CAST: variants seen among roughly 807,000 people sequenced by gnomAD.
CAST encodes calpastatin.
A neutral mutation model predicts 119.6 loss-of-function variants in CAST; 76 were observed. That is an observed-to-expected ratio of 0.64 (90% confidence interval 0.53 to 0.77). CAST has a LOEUF of 0.77. Among genes scored for constraint, CAST ranks in the 30% least tolerant of loss-of-function variants. CAST has a pLI of 0.00. For missense variants in CAST, 953 were observed against 946.5 expected, an observed-to-expected ratio of 1.01 and a Z score of -0.09; for synonymous variants, 319 against 331.6, an observed-to-expected ratio of 0.96 and a Z score of 0.41.
the CAST span, among the ~76,000 whole-genome samples, chr5:96,413,895 G>A: frequency 6.1e-5 from 9 of 148,086 alleles, 1 homozygote; most frequent in African/African-American, 2.0e-4. Context: ...CGAGGCGGGC[G>A]GATCACGAGG....
the CAST span, among the ~76,000 whole-genome samples, chr5:96,384,266 C>T: frequency 1.6e-4 from 24 of 152,162 alleles, no homozygotes; most frequent in Non-Finnish European, 3.1e-4. Flanking sequence ...GTGGTGGGAA[C>T]AAAACATTTT....
At chr5:96,237,489 C>T in the CAST span, among the ~76,000 whole-genome samples, 4 of 151,988 alleles carry the variant, frequency 2.6e-5, no homozygotes, top group African/African-American at 9.7e-5. Context: ...CCTGTAGAAG[C>T]GATTATTAAT....
At chr5:96,271,173 C>T in the CAST span, among the ~76,000 whole-genome samples, 62 of 152,074 alleles carry the variant, frequency 4.1e-4, no homozygotes, top group Middle Eastern at 3.4e-3. Flanking sequence ...TCATGGTTTG[C>T]GAGAACTAAT....
chr5:96,532,782 A>T (rs1336008029), intron 1 of CAST, among the ~76,000 whole-genome samples: 1 of 152,126 alleles, frequency 6.6e-6, no homozygotes, highest in African/African-American at 2.4e-5. Flanking sequence ...CCTCGGAGGC[A>T]GAGGTTGCAG....
At chr5:96,207,285 C>A in the CAST span, among the ~76,000 whole-genome samples, 2 of 152,068 alleles carry the variant, frequency 1.3e-5, no homozygotes, top group African/African-American at 4.8e-5. Flanking sequence ...TATTTGGATG[C>A]CTTTTATTTC....
the CAST span, among the ~76,000 whole-genome samples, chr5:96,459,456 A>G: frequency 2.0e-5 from 3 of 152,162 alleles, no homozygotes; most frequent in Non-Finnish European, 4.4e-5. Flanking sequence ...TCCAGAAATA[A>G]CATCAAGAGG....
chr5:95,997,963 GTTTTTTTTTTTTT>G, the CAST span, among the ~76,000 whole-genome samples: 3 of 93,656 alleles, frequency 3.2e-5, no homozygotes, highest in Admixed American at 2.6e-4. Context: ...TTGAGAGAGG[GTTTTTTTTTTTTT>G]TTTTTTTTTT....
chr5:96,156,759 C>G, the CAST span, among the ~76,000 whole-genome samples: 1 of 152,122 alleles, frequency 6.6e-6, no homozygotes, highest in Non-Finnish European at 1.5e-5. Flanking sequence ...TATTACCCAC[C>G]ATTTGATTAT....
At chr5:96,691,697 C>T (rs1752745300) in intron 2 of CAST, among the ~76,000 whole-genome samples, 2 of 152,194 alleles carry the variant, frequency 1.3e-5, no homozygotes, top group African/African-American at 2.4e-5. Flanking sequence ...GAGTTATTCA[C>T]CCTGCTCAGA....
the CAST span, among the ~76,000 whole-genome samples, chr5:95,997,965 T>TTC: frequency 0.048 from 6,425 of 132,686 alleles, 485 homozygotes; most frequent in East Asian, 0.4. Context: ...GAGAGAGGGT[T>TTC]TTTTTTTTTT....
At chr5:96,716,639 C>T (rs1431564771) in intron 3 of CAST, among the ~76,000 whole-genome samples, 1 of 152,048 alleles carries the variant, frequency 6.6e-6, no homozygotes, top group East Asian at 1.9e-4. Context: ...CCATGATTGC[C>T]TTTATTTCAA....
the CAST span, among the ~76,000 whole-genome samples, chr5:96,344,892 G>A: frequency 6.6e-6 from 1 of 152,114 alleles, no homozygotes; most frequent in African/African-American, 2.4e-5. Context: ...AAAACCACAT[G>A]GTTAAGTACA....
At chr5:96,625,180 A>G (rs1747697154) in intron 1 of CAST, among the ~76,000 whole-genome samples, 1 of 152,214 alleles carries the variant, frequency 6.6e-6, no homozygotes, top group African/African-American at 2.4e-5. Context: ...TTTCTCTCAA[A>G]GGGTCACAAA....
chr5:96,267,878 G>A, the CAST span, among the ~76,000 whole-genome samples: 3 of 152,250 alleles, frequency 2.0e-5, no homozygotes, highest in South Asian at 6.2e-4. Context: ...CAAGATATAG[G>A]CAATATAAAA....
chr5:96,150,808 G>C, the CAST span, among the ~76,000 whole-genome samples: 4 of 152,294 alleles, frequency 2.6e-5, no homozygotes, highest in East Asian at 7.7e-4. Flanking sequence ...GCAGCTGTGG[G>C]GGGCAGGGCC....
At chr5:96,357,673 G>A in the CAST span, among the ~76,000 whole-genome samples, 1 of 152,178 alleles carries the variant, frequency 6.6e-6, no homozygotes, top group Non-Finnish European at 1.5e-5. Context: ...GCATCCCAGG[G>A]ATGAAGCCGA....
At chr5:96,749,063 C>G (rs942982457) in intron 19 of CAST, among the ~76,000 whole-genome samples, 31 of 152,214 alleles carry the variant, frequency 2.0e-4, no homozygotes, top group African/African-American at 7.0e-4. Flanking sequence ...ACCCAGTTTT[C>G]TTTCCTACCA....
At chr5:96,091,644 T>C in the CAST span, among the ~76,000 whole-genome samples, 2 of 151,736 alleles carry the variant, frequency 1.3e-5, no homozygotes, top group Non-Finnish European at 2.9e-5. Context: ...TAGCTGGAAC[T>C]ACAGGTGTGC....
the CAST span, among the ~76,000 whole-genome samples, chr5:95,970,570 G>A: frequency 3.7e-4 from 56 of 152,298 alleles, no homozygotes; most frequent in Middle Eastern, 3.4e-3. Context: ...CCTAGGGAAT[G>A]TTATGCATCT....
Sources: gnomAD v4.1 joint callset for allele counts (sites outside exome capture counted in the v4.1 genomes callset) on GRCh38, gnomAD v4.1.1 for gene constraint, MANE v1.5 for transcripts, NCBI Gene and HGNC (gene_info 2026-07-23, HGNC 2026-07-21) for gene names.